Variants in PTPRD observed in about 807,000 individuals in gnomAD.
The protein encoded by PTPRD is receptor-type tyrosine-protein phosphatase delta.
PTPRD carries 34 observed loss-of-function variants against 214.5 expected under a neutral mutation model. That is an observed-to-expected ratio of 0.16 (90% CI 0.12 to 0.21). PTPRD has a LOEUF of 0.21. PTPRD is among the 10% of genes least tolerant of loss of function. The pLI, the probability that PTPRD is intolerant of heterozygous loss-of-function variation, is 1.00. For synonymous variants in PTPRD, 1,128 were observed against 845.7 expected, an observed-to-expected ratio of 1.33 and a Z score of -5.79; for missense variants, 2,545 against 2,398.7, an observed-to-expected ratio of 1.06 and a Z score of -1.27.
intron 14 of PTPRD, among the ~76,000 whole-genome samples, chr9:8,537,763 G>A (rs10815908): frequency 2.0e-5 from 3 of 151,686 alleles, no homozygotes; most frequent in Non-Finnish European, 4.4e-5. Flanking sequence ...AAGGTACTCC[G>A]GGCAGAGAAT....
chr9:8,373,878 C>G (rs993090813), intron 39 of PTPRD, among the ~76,000 whole-genome samples: 9 of 88,674 alleles, frequency 1.0e-4, no homozygotes, highest in African/African-American at 9.6e-4. Context: ...ATCTATCTAT[C>G]TATCTATCTA....
chr9:8,799,848 A>C (rs1433414047), intron 11 of PTPRD, among the ~76,000 whole-genome samples: 1 of 151,764 alleles, frequency 6.6e-6, no homozygotes, highest in Non-Finnish European at 1.5e-5. Flanking sequence ...ACTCCCCCAC[A>C]CACTTTTTTT....
At chr9:10,029,848 G>T (rs1192072711) in intron 4 of PTPRD, among the ~76,000 whole-genome samples, 1 of 152,108 alleles carries the variant, frequency 6.6e-6, no homozygotes, top group Non-Finnish European at 1.5e-5. Context: ...TTTGGGAGGG[G>T]CCAGGGACAG....
intron 7 of PTPRD, among the ~76,000 whole-genome samples, chr9:9,597,219 A>G (rs898814587): frequency 2.6e-5 from 4 of 151,996 alleles, no homozygotes; most frequent in African/African-American, 9.7e-5. Context: ...AAAGGCCAAC[A>G]GATATAACCT....
intron 3 of PTPRD, among the ~76,000 whole-genome samples, chr9:10,092,195 C>T (rs1007070221): frequency 6.6e-6 from 1 of 151,432 alleles, no homozygotes; most frequent in Non-Finnish European, 1.5e-5. Flanking sequence ...ACCTAAGAAA[C>T]ACTAGCTTGC....
At chr9:9,515,760 G>T (rs992357239) in intron 8 of PTPRD, among the ~76,000 whole-genome samples, 17 of 151,904 alleles carry the variant, frequency 1.1e-4, no homozygotes, top group African/African-American at 4.1e-4. Context: ...ATGAAAAAAA[G>T]TTTGATGTTC....
intron 2 of PTPRD, among the ~76,000 whole-genome samples, chr9:10,608,063 G>A (rs1364279562): frequency 1.3e-5 from 2 of 151,886 alleles, no homozygotes; most frequent in African/African-American, 4.8e-5. Flanking sequence ...TCTTTAAAAT[G>A]CAAGGGTTCA....
intron 3 of PTPRD, among the ~76,000 whole-genome samples, chr9:10,155,095 A>G (rs1037629326): frequency 6.6e-6 from 1 of 151,842 alleles, no homozygotes; most frequent in Non-Finnish European, 1.5e-5. Flanking sequence ...ATGTTTCTCC[A>G]TTTGTTTCTG....
At chr9:9,847,726 T>A (rs1398842804) in intron 5 of PTPRD, among the ~76,000 whole-genome samples, 1 of 152,072 alleles carries the variant, frequency 6.6e-6, no homozygotes, top group East Asian at 1.9e-4. Flanking sequence ...AACCTAATTA[T>A]CCCAGACTTA....
At chr9:10,475,422 C>T (rs943720845) in intron 2 of PTPRD, among the ~76,000 whole-genome samples, 1 of 151,860 alleles carries the variant, frequency 6.6e-6, no homozygotes, top group Admixed American at 6.6e-5. Context: ...TAAACCCTCC[C>T]AAGACTAAAC....
At chr9:8,421,370 T>TTCTCTTCTCTTCTCTTCTCTTCTCTTC (rs141962478) in intron 35 of PTPRD, among the ~76,000 whole-genome samples, 6,978 of 146,420 alleles carry the variant, frequency 0.048, 198 homozygotes, top group Non-Finnish European at 0.067. Flanking sequence ...TTCTCTTCTC[T>TTCTCTTCTCTTCTCTTCTCTTCTCTTC]TCTCTCTCTC....
chr9:8,977,694 G>A (rs4742552), intron 11 of PTPRD, among the ~76,000 whole-genome samples: 104,730 of 148,808 alleles, frequency 0.7, 37,155 homozygotes, highest in East Asian at 0.86. Flanking sequence ...CTAGTCCTCA[G>A]TTGTCCCTTT....
chr9:9,190,326 C>G (rs906457127), intron 9 of PTPRD, among the ~76,000 whole-genome samples: 2 of 151,896 alleles, frequency 1.3e-5, no homozygotes, highest in African/African-American at 4.8e-5. Context: ...TGGGAGGGAC[C>G]CAGGGGGAGG....
intron 5 of PTPRD, among the ~76,000 whole-genome samples, chr9:9,870,853 G>C (rs180861734): frequency 2.0e-5 from 3 of 152,194 alleles, no homozygotes; most frequent in Admixed American, 1.3e-4. Context: ...AACAATTGTT[G>C]AGCCTGGATG....
rs181961675 is a variant in PTPRD, at chr9:10,132,572, A to G, written c.-544-98782T>C. On this transcript the variant is annotated intron_variant, in intron 3 of 45. Coordinates refer to ENST00000381196, the MANE Select transcript of PTPRD (RefSeq NM_002839.4). ...GAAAAATTTCAGTACACATACTTGG[A>G]GTGGAAATTATTGACTTAGCATGTC... is the stretch of plus-strand genomic sequence containing the variant. Among the ~76,000 whole-genome samples, 506 of 152,238 alleles carry G rather than the reference A, an allele frequency of 3.3e-3. 4 individuals carry two copies. Among genetic ancestry groups the G allele is most frequent in the African/African-American group, 0.011 (475 of 41,536 alleles).
At chr9:9,445,565 C>A (rs1431250837) in intron 8 of PTPRD, among the ~76,000 whole-genome samples, 1 of 152,104 alleles carries the variant, frequency 6.6e-6, no homozygotes, top group South Asian at 2.1e-4. Context: ...GAAGGGGAAG[C>A]AAACACGTCC....
intron 5 of PTPRD, among the ~76,000 whole-genome samples, chr9:9,790,222 A>G (rs1174590): frequency 0.65 from 99,061 of 152,022 alleles, 33,039 homozygotes; most frequent in Middle Eastern, 0.83. Flanking sequence ...TGTTTTCTTG[A>G]TGTATTGTCT....
chr9:8,485,647 T>C, intron 28 of PTPRD, 115 bp downstream of exon 28: 2 of 956,920 alleles, frequency 2.1e-6, no homozygotes, highest in Non-Finnish European at 3.0e-6. Flanking sequence ...ACCTTTTTGT[T>C]TTTGCTGAAC....
intron 11 of PTPRD, among the ~76,000 whole-genome samples, chr9:8,796,297 T>C (rs1220599251): frequency 1.3e-5 from 2 of 152,160 alleles, no homozygotes; most frequent in African/African-American, 4.8e-5. Context: ...GGGGGATAAA[T>C]ATTTAAATAT....
Sources: allele counts gnomAD v4.1 joint callset (sites outside exome capture counted in the v4.1 genomes callset), GRCh38; gene constraint gnomAD v4.1.1; transcripts MANE v1.5; gene names NCBI Gene and HGNC (gene_info 2026-07-23, HGNC 2026-07-21).